The following GALNTL6 variants were observed in gnomAD, a reference collection of about 807,000 sequenced individuals.
The protein encoded by GALNTL6 is polypeptide N-acetylgalactosaminyltransferase-like 6.
In GALNTL6, 46 loss-of-function variants were observed where a neutral mutation model predicts 73.7. The ratio of observed to expected loss-of-function variants is 0.62; its 90% confidence interval spans 0.49 to 0.80. The LOEUF (loss-of-function observed/expected upper bound fraction) is 0.80. Ranked by LOEUF, GALNTL6 falls within the 30% of genes least tolerant of loss-of-function variation. The pLI, the probability that GALNTL6 is intolerant of heterozygous loss-of-function variation, is 0.00. For synonymous variants in GALNTL6, 259 were observed against 263.7 expected (o/e 0.98, Z 0.17); for missense variants, 604 against 755.0 (o/e 0.80, Z 2.34).
intron 2 of GALNTL6, among the ~76,000 whole-genome samples, chr4:172,141,575 C>T (rs1733797523): frequency 6.6e-6 from 1 of 151,684 alleles, no homozygotes; most frequent in African/African-American, 2.4e-5. Context: ...ACTAAGAATA[C>T]TCCTTATTTT....
At chr4:172,114,651 C>T (rs956210605) in intron 2 of GALNTL6, among the ~76,000 whole-genome samples, 1 of 152,002 alleles carries the variant, frequency 6.6e-6, no homozygotes, top group African/African-American at 2.4e-5. Flanking sequence ...CAGAGATTGA[C>T]AATTTAATTA....
intron 2 of GALNTL6, among the ~76,000 whole-genome samples, chr4:171,983,786 C>G (rs1188687416): frequency 6.6e-6 from 1 of 152,146 alleles, no homozygotes; most frequent in Non-Finnish European, 1.5e-5. Context: ...TGGATAGCTT[C>G]TTGGCTGCCT....
intron 7 of GALNTL6, among the ~76,000 whole-genome samples, chr4:172,854,949 G>A (rs1374929579): frequency 6.6e-6 from 1 of 152,178 alleles, no homozygotes; most frequent in African/African-American, 2.4e-5. Flanking sequence ...ATAACAGTAG[G>A]TGGTAAAATA....
chr4:172,034,615 C>T (rs1741879624), intron 2 of GALNTL6, among the ~76,000 whole-genome samples: 2 of 152,022 alleles, frequency 1.3e-5, no homozygotes, highest in Admixed American at 1.3e-4. Context: ...TACACAAACT[C>T]ATGAATTTAC....
intron 3 of GALNTL6, among the ~76,000 whole-genome samples, chr4:172,297,275 A>G (rs1222093362): frequency 5.3e-5 from 8 of 152,054 alleles, no homozygotes; most frequent in Admixed American, 5.2e-4. Context: ...AGATGAGTAG[A>G]TTGCAAAAAT....
chr4:172,688,964 G>GTGACATCATAATGA (rs33964482), intron 5 of GALNTL6, among the ~76,000 whole-genome samples: 5 of 204 alleles, frequency 0.025, no homozygotes, highest in East Asian at 0.25. Flanking sequence ...TCCCTACTCA[G>GTGACATCATAATGA]TAACCCAAAG....
intron 5 of GALNTL6, among the ~76,000 whole-genome samples, chr4:172,739,569 T>A (rs576299583): frequency 2.6e-5 from 4 of 152,270 alleles, no homozygotes; most frequent in South Asian, 4.1e-4. Context: ...TAAACCAGAA[T>A]AATTCCAGAA....
rs796625697 is a variant in GALNTL6 at position 172,206,814 on chromosome 4, G to GTTTT, written c.139-22839_139-22838insTTTT. 6.7e-3 allele frequency among the ~76,000 whole-genome samples: 389 copies of GTTTT among 57,932 alleles called. 24 individuals carry two copies. The highest frequency in any genetic ancestry group is 0.019 in the African/African-American group (373 of 20,108). The allele number at this position is 57,932 out of a possible 152,430, so 38.0% of individuals were successfully genotyped here. A position where few individuals can be genotyped will look rare whatever the true frequency, so the allele number is the denominator to read the frequency against. On this transcript the variant is annotated intron_variant, in intron 2 of 12. Coordinates refer to ENST00000506823, the MANE Select transcript of GALNTL6 (RefSeq NM_001034845.3). Reference sequence around the variant, plus strand: ...TTTGTTTTGTTTTTCTGTTTTTTTTGTTTGTTTTTTTTTTTTTTTTTGAGA... The same window carrying GTTTT: ...TTTGTTTTGTTTTTCTGTTTTTTTTGTTTTTTTGTTTTTTTTTTTTTTTTTGAGA...
intron 9 of GALNTL6, among the ~76,000 whole-genome samples, chr4:172,944,931 G>T (rs908399885): frequency 6.6e-6 from 1 of 151,894 alleles, no homozygotes; most frequent in Non-Finnish European, 1.5e-5. Context: ...GGTGGCATGC[G>T]CCTGTAATCC....
At chr4:172,471,512 C>CT (rs1380766543) in intron 5 of GALNTL6, among the ~76,000 whole-genome samples, 3 of 152,174 alleles carry the variant, frequency 2.0e-5, no homozygotes, top group African/African-American at 7.2e-5. Context: ...TCTTTCAATG[C>CT]TTTTTTTCTC....
chr4:172,076,121 T>C (rs1377324368), intron 2 of GALNTL6, among the ~76,000 whole-genome samples: 2 of 152,206 alleles, frequency 1.3e-5, no homozygotes, highest in South Asian at 2.1e-4. Context: ...AGCACCACCA[T>C]TTTGGGAATT....
intron 10 of GALNTL6, among the ~76,000 whole-genome samples, chr4:172,978,004 T>C (rs1750904491): frequency 6.6e-6 from 1 of 152,124 alleles, no homozygotes; most frequent in Non-Finnish European, 1.5e-5. Flanking sequence ...CACACCCAGC[T>C]AATTTTTGGT....
At chr4:172,656,331 CTCAGATTATG>C (rs1480576219) in intron 5 of GALNTL6, among the ~76,000 whole-genome samples, 2 of 152,196 alleles carry the variant, frequency 1.3e-5, no homozygotes, top group African/African-American at 4.8e-5. Flanking sequence ...TCTGGGCATG[CTCAGATTATG>C]TGACCTTCAA....
At chr4:172,262,429 TA>T (rs1321882485) in intron 3 of GALNTL6, among the ~76,000 whole-genome samples, 3 of 151,516 alleles carry the variant, frequency 2.0e-5, no homozygotes, top group Non-Finnish European at 3.0e-5. Context: ...CTGTCTCATA[TA>T]AGAATAGCTA....
intron 2 of GALNTL6, among the ~76,000 whole-genome samples, chr4:171,924,809 T>C (rs1200802564): frequency 1.3e-5 from 2 of 152,140 alleles, no homozygotes; most frequent in Non-Finnish European, 2.9e-5. Flanking sequence ...CCTGTGGCTG[T>C]TGTATCAACT....
intron 5 of GALNTL6, among the ~76,000 whole-genome samples, chr4:172,425,914 G>T (rs1432854421): frequency 6.6e-6 from 1 of 152,028 alleles, no homozygotes; most frequent in Admixed American, 6.6e-5. Flanking sequence ...AAAAGAATCT[G>T]TGGACTTATA....
At chr4:172,377,990 G>A (rs144482278) in intron 5 of GALNTL6, among the ~76,000 whole-genome samples, 3,712 of 152,026 alleles carry the variant, frequency 0.024, 157 homozygotes, top group African/African-American at 0.084. Context: ...GGCTTCCACA[G>A]TGCAGCGGCA....
chr4:172,945,073 G>GA (rs907195469), intron 9 of GALNTL6, among the ~76,000 whole-genome samples: 4 of 142,402 alleles, frequency 2.8e-5, no homozygotes, highest in African/African-American at 7.7e-5. Flanking sequence ...AAAAAAAAAA[G>GA]AAAAAAAAAG....
At chr4:171,960,286 T>A (rs536447422) in intron 2 of GALNTL6, among the ~76,000 whole-genome samples, 1 of 151,664 alleles carries the variant, frequency 6.6e-6, no homozygotes, top group Non-Finnish European at 1.5e-5. Context: ...TTTTCTCTTA[T>A]TTTTTTTGGA....
Sources: gnomAD v4.1 joint callset for allele counts (sites outside exome capture counted in the v4.1 genomes callset) on GRCh38, gnomAD v4.1.1 for gene constraint, MANE v1.5 for transcripts, NCBI Gene and HGNC (gene_info 2026-07-23, HGNC 2026-07-21) for gene names.